The following DPF3 variants were observed in gnomAD, a reference collection of about 807,000 sequenced individuals.
The protein encoded by DPF3 is zinc finger protein DPF3.
Under a neutral mutation model 56.8 loss-of-function variants are expected in DPF3, and 18 were observed. The ratio of observed to expected loss-of-function variants is 0.32; its 90% CI spans 0.22 to 0.47. The LOEUF (loss-of-function observed/expected upper bound fraction) is 0.47. Ranked by LOEUF, DPF3 falls within the 20% of genes least tolerant of loss-of-function variation. The pLI is 1.00. For synonymous variants in DPF3, 188 were observed against 180.2 expected (o/e 1.04, Z -0.35); for missense variants, 403 against 488.8 (o/e 0.82, Z 1.65).
intron 1 of DPF3, among the ~76,000 whole-genome samples, chr14:72,888,132 C>A (rs1240550960): frequency 6.6e-6 from 1 of 152,072 alleles, no homozygotes; most frequent in Non-Finnish European, 1.5e-5. Flanking sequence ...TATTTGAACC[C>A]CATTATTAGG....
intron 8 of DPF3, 76 bp downstream of exon 8, chr14:72,674,164 C>T: frequency 1.3e-6 from 2 of 1,526,444 alleles, no homozygotes; most frequent in African/African-American, 2.7e-5. Flanking sequence ...GTCTCCAGCA[C>T]CACAAGATGG....
intron 8 of DPF3, chr14:72,670,072 G>T (rs1344068191): frequency 9.1e-6 from 9 of 985,636 alleles, no homozygotes; most frequent in Non-Finnish European, 1.1e-5. Flanking sequence ...AGTGCTATTG[G>T]AAACATAAAA....
At chr14:72,848,198 C>T (rs1384162313) in intron 1 of DPF3, among the ~76,000 whole-genome samples, 2 of 152,044 alleles carry the variant, frequency 1.3e-5, no homozygotes, top group African/African-American at 4.8e-5. Flanking sequence ...CGCTCTGTCG[C>T]CCAGGCTGGA....
At chr14:72,887,913 G>A (rs1025341442) in intron 1 of DPF3, among the ~76,000 whole-genome samples, 1 of 152,192 alleles carries the variant, frequency 6.6e-6, no homozygotes, top group African/African-American at 2.4e-5. Context: ...AAACTTTCTG[G>A]TGGAGCTTCC....
intron 8 of DPF3, among the ~76,000 whole-genome samples, chr14:72,658,230 T>C (rs962903806): frequency 6.6e-6 from 1 of 152,190 alleles, no homozygotes; most frequent in Admixed American, 6.5e-5. Flanking sequence ...TATGTTCACA[T>C]TGCATGCCTG....
At chr14:72,867,496 T>G (rs1885720720) in intron 1 of DPF3, among the ~76,000 whole-genome samples, 1 of 152,130 alleles carries the variant, frequency 6.6e-6, no homozygotes, top group East Asian at 1.9e-4. Flanking sequence ...AAGAACCTTC[T>G]CCCTCTCTGG....
chr14:72,817,343 T>C (rs948891951), intron 1 of DPF3, among the ~76,000 whole-genome samples: 2 of 152,146 alleles, frequency 1.3e-5, no homozygotes, highest in African/African-American at 4.8e-5. Context: ...AACCTAAATA[T>C]ATTCCAAGTG....
rs968338159 is a variant in DPF3 at position 72,613,916 on chromosome 14, A to G, written c.*5381T>C. 2.6e-5 allele frequency among the ~76,000 whole-genome samples: 4 copies of G among 152,062 alleles called. No individual in the cohort carries two copies. The highest frequency in any genetic ancestry group is 1.3e-4 in the Admixed American group (2 of 15,274). On this transcript the variant is annotated 3_prime_UTR_variant, in exon 11 of 11. Transcript: ENST00000556509. ...ACTCGCTCTGCCTGGGAGGTTGTCT[A>G]TCCTCCCACATCCCGGGTGCCCAGC...
rs926811203 is a variant in DPF3, at chr14:72,616,192, G to A, written c.*3105C>T. Among the ~76,000 whole-genome samples, 5 of 152,196 alleles carry A rather than the reference G, an allele frequency of 3.3e-5. No homozygotes were observed. In the East Asian group the frequency reaches 5.8e-4, roughly 18 times the overall value. ...AGACATGTGAAATGAGGCTCAGAGA[G>A]TTGAAGTCATTGGCCCAAGGTCAGT... On this transcript the variant is annotated 3_prime_UTR_variant, in exon 11 of 11. Transcript: ENST00000556509.
intron 7 of DPF3, among the ~76,000 whole-genome samples, chr14:72,681,783 A>G (rs1887174185): frequency 6.6e-6 from 1 of 152,242 alleles, no homozygotes; most frequent in Non-Finnish European, 1.5e-5. Context: ...ATTTGCCAGC[A>G]GTGTGTGCAC....
intron 7 of DPF3, among the ~76,000 whole-genome samples, chr14:72,689,547 T>C (rs1283991634): frequency 5.3e-5 from 8 of 152,088 alleles, no homozygotes; most frequent in Admixed American, 6.5e-5. Context: ...TCACTTCCAA[T>C]TCAGCACACA....
intron 1 of DPF3, among the ~76,000 whole-genome samples, chr14:72,823,880 G>A (rs1162852027): frequency 6.6e-6 from 1 of 152,186 alleles, no homozygotes; most frequent in African/African-American, 2.4e-5. Context: ...CTATGCTTAG[G>A]GAGCTCAGAA....
At chr14:72,715,117 A>G (rs1260605335) in intron 5 of DPF3, among the ~76,000 whole-genome samples, 1 of 152,148 alleles carries the variant, frequency 6.6e-6, no homozygotes, top group African/African-American at 2.4e-5. Flanking sequence ...TGGCCTACTC[A>G]GTAGGGGTGG....
At chr14:72,657,124 C>A (rs914926972) in intron 8 of DPF3, among the ~76,000 whole-genome samples, 3 of 152,196 alleles carry the variant, frequency 2.0e-5, no homozygotes, top group African/African-American at 7.2e-5. Flanking sequence ...ATCTCAGCAA[C>A]ATCCTCAACA....
At chr14:72,810,635 G>A (rs1786410733) in intron 1 of DPF3, among the ~76,000 whole-genome samples, 1 of 151,994 alleles carries the variant, frequency 6.6e-6, no homozygotes, top group Admixed American at 6.6e-5. Context: ...ACAAAGATCT[G>A]CCTCCAAATC....
At chr14:72,643,010 C>G (rs1208883685) in intron 8 of DPF3, among the ~76,000 whole-genome samples, 2 of 152,170 alleles carry the variant, frequency 1.3e-5, no homozygotes, top group East Asian at 3.8e-4. Context: ...TAGGAACATT[C>G]CTGATTTACA....
intron 1 of DPF3, among the ~76,000 whole-genome samples, chr14:72,799,758 G>T (rs1177859002): frequency 6.6e-6 from 1 of 152,124 alleles, no homozygotes; most frequent in Non-Finnish European, 1.5e-5. Flanking sequence ...TGGAACTTCT[G>T]GGGGAAAGAG....
At chr14:72,681,841 G>A (rs952155459) in intron 7 of DPF3, among the ~76,000 whole-genome samples, 5 of 152,214 alleles carry the variant, frequency 3.3e-5, no homozygotes, top group Non-Finnish European at 1.5e-5. Flanking sequence ...CCCAAGGAAT[G>A]TCCTTTGTGC....
At chr14:72,699,130 T>C (rs1888043119) in intron 6 of DPF3, among the ~76,000 whole-genome samples, 1 of 152,008 alleles carries the variant, frequency 6.6e-6, no homozygotes, top group South Asian at 2.1e-4. Context: ...GAAGAGACTG[T>C]GGAGAGAGAA....
Sources: allele counts gnomAD v4.1 joint callset (sites outside exome capture counted in the v4.1 genomes callset), GRCh38; gene constraint gnomAD v4.1.1; transcripts MANE v1.5; gene names NCBI Gene and HGNC (gene_info 2026-07-23, HGNC 2026-07-21).